Variants in E2F5 observed in about 807,000 individuals in gnomAD.
The protein encoded by E2F5 is E2F transcription factor 5, also known as transcription factor E2F5.
In E2F5, 23 loss-of-function variants were observed where a neutral mutation model predicts 39.1. The ratio of observed to expected loss-of-function variants is 0.59; its 90% CI spans 0.42 to 0.83. The LOEUF is 0.83. Among genes scored for constraint, E2F5 ranks in the 40% least tolerant of loss-of-function variants. The pLI is 0.00. For missense variants in E2F5, 365 were observed against 406.7 expected, an observed-to-expected ratio of 0.90 and a Z score of 0.88; for synonymous variants, 145 against 157.8, an observed-to-expected ratio of 0.92 and a Z score of 0.61.
intron 1 of E2F5, among the ~76,000 whole-genome samples, chr8:85,188,420 G>A (rs1812390948): frequency 6.6e-6 from 1 of 151,100 alleles, no homozygotes; most frequent in Admixed American, 6.6e-5. Flanking sequence ...TTCTGGAACA[G>A]GCTTTATCTC....
At chr8:85,212,306 G>T in intron 7 of E2F5, 102 bp downstream of exon 7, 1 of 828,050 alleles carries the variant, frequency 1.2e-6, no homozygotes, top group Non-Finnish European at 1.9e-6. Flanking sequence ...TTTGCTACCT[G>T]CTTTACTATG....
At chr8:85,189,988 C>T (rs2896452) in intron 1 of E2F5, among the ~76,000 whole-genome samples, 116,680 of 152,072 alleles carry the variant, frequency 0.77, 45,601 homozygotes, top group African/African-American at 0.87. Context: ...GACTCAAAAG[C>T]CAGATGTCAT....
At chr8:85,183,560 C>T (rs1812268130) in intron 1 of E2F5, among the ~76,000 whole-genome samples, 2 of 152,192 alleles carry the variant, frequency 1.3e-5, no homozygotes, top group Non-Finnish European at 2.9e-5. Context: ...ATGGAATATT[C>T]TTCAGGCTTA....
intron 1 of E2F5, among the ~76,000 whole-genome samples, chr8:85,179,394 A>G (rs1812151496): frequency 6.6e-6 from 1 of 152,144 alleles, no homozygotes; most frequent in Non-Finnish European, 1.5e-5. Context: ...ATCTGTGGCT[A>G]TATAATTGCC....
At chr8:85,211,787 G>A (rs1812929823) in intron 6 of E2F5, among the ~76,000 whole-genome samples, 1 of 150,872 alleles carries the variant, frequency 6.6e-6, no homozygotes, top group Non-Finnish European at 1.5e-5. Flanking sequence ...ATAGGCACGT[G>A]CCATGAATGT....
At chr8:85,204,752 T>C (rs182550771) in intron 3 of E2F5, among the ~76,000 whole-genome samples, 126 of 152,166 alleles carry the variant, frequency 8.3e-4, no homozygotes, top group African/African-American at 3.0e-3. Context: ...CCCTTTGATA[T>C]ATAAACTAAC....
intron 1 of E2F5, among the ~76,000 whole-genome samples, chr8:85,180,506 CTATACATATATATA>C (rs1192924554): frequency 1.6e-5 from 1 of 62,474 alleles, no homozygotes; most frequent in Non-Finnish European, 2.9e-5. Context: ...GTTAAAGAAA[CTATACATATATATA>C]TATATATATA....
chr8:85,190,887 G>A (rs535222389), intron 1 of E2F5, among the ~76,000 whole-genome samples: 1 of 152,162 alleles, frequency 6.6e-6, no homozygotes, highest in South Asian at 2.1e-4. Context: ...GAAGAAGAGA[G>A]TGAGAACCAA....
intron 1 of E2F5, among the ~76,000 whole-genome samples, chr8:85,190,305 G>T (rs1812432944): frequency 6.7e-6 from 1 of 149,300 alleles, no homozygotes; most frequent in Non-Finnish European, 1.5e-5. Context: ...CACACAACTG[G>T]CCACTTCTCC....
intron 1 of E2F5, among the ~76,000 whole-genome samples, chr8:85,181,225 C>A (rs750221956): frequency 2.6e-5 from 4 of 152,114 alleles, no homozygotes; most frequent in African/African-American, 9.7e-5. Flanking sequence ...AGTAAAATAT[C>A]CAAATATTTT....
intron 2 of E2F5, 86 bp downstream of exon 2, chr8:85,202,342 C>A: frequency 1.0e-6 from 1 of 966,220 alleles, no homozygotes; most frequent in Non-Finnish European, 1.5e-6. Flanking sequence ...TTTCTATCTC[C>A]CAAATCCTCT....
intron 1 of E2F5, among the ~76,000 whole-genome samples, chr8:85,181,591 G>T (rs1351796390): frequency 7.0e-6 from 1 of 143,114 alleles, no homozygotes; most frequent in African/African-American, 2.6e-5. Flanking sequence ...CTCCCACCTC[G>T]GCCTCCCAAA....
intron 1 of E2F5, among the ~76,000 whole-genome samples, chr8:85,189,120 A>G (rs1324190044): frequency 1.3e-5 from 2 of 152,188 alleles, no homozygotes; most frequent in African/African-American, 4.8e-5. Flanking sequence ...GTCCTCAATT[A>G]TGAGTAAGTT....
intron 5 of E2F5, among the ~76,000 whole-genome samples, chr8:85,208,130 A>G (rs1812835673): frequency 6.6e-6 from 1 of 152,304 alleles, no homozygotes; most frequent in Non-Finnish European, 1.5e-5. Flanking sequence ...GGAGTTTAAG[A>G]CCAGCCTGAC....
chr8:85,179,698 CGCCCAGGCTGGAGT>C (rs1159065430), intron 1 of E2F5, among the ~76,000 whole-genome samples: 1 of 151,080 alleles, frequency 6.6e-6, no homozygotes, highest in Non-Finnish European at 1.5e-5. Context: ...CTTGCTCTGT[CGCCCAGGCTGGAGT>C]GCAGTGGCGC....
intron 7 of E2F5, chr8:85,212,520 A>T (rs966797293): frequency 4.3e-6 from 1 of 229,920 alleles, no homozygotes; most frequent in Non-Finnish European, 8.5e-6. Context: ...CAAGCAACTG[A>T]TCTGAACACC....
chr8:85,181,105 T>G (rs1812203504), intron 1 of E2F5, among the ~76,000 whole-genome samples: 1 of 152,110 alleles, frequency 6.6e-6, no homozygotes, highest in African/African-American at 2.4e-5. Context: ...CTCGAACTCC[T>G]GAGCTCAAAG....
rs1484118878 is a variant in E2F5 at position 85,213,981 on chromosome 8, G to C, written c.*119G>C. 3.1e-6 allele frequency: 2 copies of C among 650,258 alleles called. No individual in the cohort carries two copies. The highest frequency in any genetic ancestry group is 5.3e-6 in the Non-Finnish European group (2 of 377,256). 40.3% of individuals were successfully genotyped at this position (650,258 alleles called of 1,614,324 possible). On this transcript the variant is annotated 3_prime_UTR_variant, in exon 8 of 8. Coordinates refer to ENST00000416274, the MANE Select transcript of E2F5 (RefSeq NM_001951.4). ...CCTTTTTTAGTTCACTGATTCTGAA[G>C]TGTTCTTCCCTAATACTTTCTTTAC... is the stretch of plus-strand genomic sequence containing the variant.
chr8:85,198,926 C>A (rs1018031594), intron 1 of E2F5, among the ~76,000 whole-genome samples: 1 of 152,168 alleles, frequency 6.6e-6, no homozygotes, highest in African/African-American at 2.4e-5. Context: ...TTCCAGTGCT[C>A]CAAACTGGTT....
Sources: gnomAD v4.1 joint callset for allele counts (sites outside exome capture counted in the v4.1 genomes callset) on GRCh38, gnomAD v4.1.1 for gene constraint, MANE v1.5 for transcripts, NCBI Gene and HGNC (gene_info 2026-07-23, HGNC 2026-07-21) for gene names.